RPGR: variants seen among roughly 807,000 people sequenced by gnomAD.
RPGR encodes X-linked retinitis pigmentosa GTPase regulator.
In RPGR, 10 loss-of-function variants were observed where a neutral mutation model predicts 56.3. The ratio of observed to expected loss-of-function variants is 0.18; its 90% CI spans 0.11 to 0.30. The LOEUF is 0.30. Ranked by LOEUF, RPGR falls within the 10% of genes least tolerant of loss-of-function variation. The probability of loss-of-function intolerance (pLI) is 1.00; values close to 1 mark genes in which losing one functional copy is unlikely to be tolerated. For synonymous variants in RPGR, 197 were observed against 212.9 expected (o/e 0.93, Z 0.65); for missense variants, 538 against 590.9 (o/e 0.91, Z 0.93).
At chrX:38,287,755 G>T in intron 14 of RPGR, 106 bp downstream of exon 14, 2 of 745,099 alleles carry the variant, frequency 2.7e-6, no homozygotes, top group Non-Finnish European at 4.2e-6. Flanking sequence ...TATTTCCTTA[G>T]CATCAAGTTG....
chrX:38,316,780 A>T (rs2067835426), intron 6 of RPGR, among the ~76,000 whole-genome samples: 1 of 111,444 alleles, frequency 9.0e-6, no homozygotes, highest in African/African-American at 3.3e-5. Flanking sequence ...CCACTTTCTA[A>T]CCCTGAGCCT....
At chrX:38,281,748 A>G (rs1048647095) in intron 15 of RPGR, among the ~76,000 whole-genome samples, 2 of 111,770 alleles carry the variant, frequency 1.8e-5, no homozygotes, top group Non-Finnish European at 3.8e-5. Flanking sequence ...AAGGTCAAAT[A>G]ACAACCACCA....
chrX:38,286,795 T>A (rs1385459521), intron 15 of RPGR: 1 of 1,158,954 alleles, frequency 8.6e-7, no homozygotes, highest in Non-Finnish European at 1.1e-6. Flanking sequence ...TCCTTCTCCA[T>A]GCTCCTCCTC....
chrX:38,275,124 T>G lies in RPGR; in HGVS notation c.2114A>C (p.Glu705Ala), dbSNP rs747506896. 8.3e-7 allele frequency: 1 copy of G among 1,210,480 alleles called. No individual in the cohort carries two copies. Among genetic ancestry groups the G allele is most frequent in the Non-Finnish European group, 1.1e-6 (1 of 894,363 alleles). ...TTCATTGTACTCACAAATGGCCCGT[T>G]CCTCTAGGTTGGCTTTTTCTTTCTA... Residue 705 changes from glutamate (E) to alanine (A), a missense_variant, in exon 17 of 19, where the codon GAA becomes GCA. Physicochemically the swap from Glu to Ala is moderately radical, Grantham distance 107 (BLOSUM62 -1). Around this residue, in one of 2 missense-constraint regions of RPGR, gnomAD observed 357 missense variants for 325.8 expected, o/e 1.10. Coordinates refer to ENST00000642395, the MANE Select transcript of RPGR (RefSeq NM_000328.3).
intron 11 of RPGR, 88 bp from the exon 12 acceptor site, chrX:38,291,572 A>T: frequency 1.9e-6 from 1 of 537,768 alleles, no homozygotes. Flanking sequence ...ATTCTATAAT[A>T]TAAAGTGTAG....
At chrX:38,288,478 G>A (rs777553591) in intron 13 of RPGR, among the ~76,000 whole-genome samples, 2 of 111,687 alleles carry the variant, frequency 1.8e-5, no homozygotes, top group East Asian at 5.7e-4. Context: ...GCCGAGGCGG[G>A]TGGATTACCT....
At chrX:38,303,445 T>G (rs746840974) in intron 8 of RPGR, among the ~76,000 whole-genome samples, 1 of 112,379 alleles carries the variant, frequency 8.9e-6, no homozygotes, top group South Asian at 3.7e-4. Context: ...CTATGAAAAT[T>G]TAACTAAATA....
At chrX:38,315,414 T>A (rs2067800411) in intron 6 of RPGR, among the ~76,000 whole-genome samples, 1 of 111,879 alleles carries the variant, frequency 8.9e-6, no homozygotes, top group South Asian at 3.7e-4. Context: ...TCATTTGCAA[T>A]AACGTGGATG....
chrX:38,282,440 C>G lies in RPGR; in HGVS notation c.1905+4654G>C, dbSNP rs773219268. On this transcript the variant is annotated intron_variant, in intron 15 of 18. Coordinates refer to ENST00000642395, the MANE Select transcript of RPGR (RefSeq NM_000328.3). ...CCTCCATTCACATTAGGAACACTTC[C>G]TTTCAGTCAAATCCAGTTTTAACTA... Among the ~76,000 whole-genome samples, 3 of 111,815 alleles carry G rather than the reference C, an allele frequency of 2.7e-5. No individual in the cohort carries two copies. In the South Asian group the frequency reaches 1.1e-3, roughly 42 times the overall value.
chrX:38,301,303 T>C lies in RPGR; in HGVS notation c.1003A>G (p.Thr335Ala). 1 of 1,204,922 alleles carries C rather than the reference T, an allele frequency of 8.3e-7. No homozygotes were observed. Among genetic ancestry groups the C allele is most frequent in the South Asian group, 1.8e-5 (1 of 56,781 alleles). ...CACAAAGTAGGAATGAAGTGATTGG[T>C]AAAATTCTCCAGTCCAAGTCCTAAT... The change falls in exon 9 of 19, where the codon ACC becomes GCC. Residue 335 changes from threonine (T) to alanine (A), a missense_variant. Physicochemically the swap from Thr to Ala is moderately conservative, Grantham distance 58. This residue lies in a region of RPGR where 181 missense variants were observed against 265.1 expected (regional missense o/e 0.68). Coordinates refer to ENST00000642395, the MANE Select transcript of RPGR (RefSeq NM_000328.3).
chrX:38,288,692 C>T (rs1232307151), intron 13 of RPGR, among the ~76,000 whole-genome samples: 10 of 111,503 alleles, frequency 9.0e-5, no homozygotes, highest in African/African-American at 2.6e-4. Context: ...GCAACAAGAG[C>T]GAAATTCCAT....
intron 13 of RPGR, 97 bp from the exon 14 acceptor site, chrX:38,288,138 A>G (rs2043312847): frequency 1.2e-6 from 1 of 815,016 alleles, no homozygotes; most frequent in East Asian, 3.2e-5. Flanking sequence ...TTACATTTTT[A>G]TAAGTTTAGG....
chrX:38,311,591 CCT>C (rs2067719671), intron 6 of RPGR, among the ~76,000 whole-genome samples: 1 of 111,786 alleles, frequency 8.9e-6, no homozygotes, highest in Non-Finnish European at 1.9e-5. Flanking sequence ...TTGCCCAACC[CCT>C]GAGAAGGTGG....
At chrX:38,302,107 A>G (rs890292594) in intron 8 of RPGR, among the ~76,000 whole-genome samples, 2 of 111,699 alleles carry the variant, frequency 1.8e-5, no homozygotes, top group Non-Finnish European at 3.8e-5. Flanking sequence ...TGGGCCCACA[A>G]TGATGATGAG....
chrX:38,285,407 T>A (rs1425867834), intron 15 of RPGR: 2 of 1,102,159 alleles, frequency 1.8e-6, no homozygotes, highest in African/African-American at 2.3e-5. Context: ...CACAGCTGCA[T>A]CAGTTGCTTT....
chrX:38,310,936 CTTGA>C lies in RPGR; in HGVS notation c.620-167_620-164del, dbSNP rs1177823612. Among the ~76,000 whole-genome samples the C allele has an allele frequency of 5.3e-5, 6 of 112,358 alleles. No homozygotes were observed. The South Asian group carries it at 1.1e-3, about 21-fold the overall frequency. ...AAATAAAGCTAGATTTTCTTTTCCC[CTTGA>C]TTATTTTAATCCAATCATTTTCATG... On this transcript the variant is annotated intron_variant, in intron 6 of 18. Coordinates refer to ENST00000642395, the MANE Select transcript of RPGR (RefSeq NM_000328.3).
chrX:38,317,445 A>T lies in RPGR; in HGVS notation c.490T>A (p.Trp164Arg). The T allele has an allele frequency of 8.3e-7, 1 of 1,209,810 alleles. No homozygotes were observed. Among genetic ancestry groups the T allele is most frequent in the Non-Finnish European group, 1.1e-6 (1 of 894,012 alleles). ...ATTTGCCCTTCGGAATTGTCACCCC[A>T]CATAAAAAGTCTTCCATCCTCTATA... is the stretch of plus-strand genomic sequence containing the variant. The change falls in exon 6 of 19, where the codon TGG becomes AGG. Residue 164 changes from tryptophan (W) to arginine (R), a missense_variant. By Grantham distance (101) the Trp-to-Arg change is moderately radical (BLOSUM62 -3). Coordinates refer to ENST00000642395, the MANE Select transcript of RPGR (RefSeq NM_000328.3).
intron 12 of RPGR, 108 bp from the exon 13 acceptor site, chrX:38,291,132 TA>T (rs970409153): frequency 2.5e-5 from 4 of 160,618 alleles, no homozygotes; most frequent in Non-Finnish European, 3.5e-5. Context: ...TATTTTTTTA[TA>T]TATATATATA....
intron 1 of RPGR, among the ~76,000 whole-genome samples, chrX:38,324,505 C>T (rs1386443496): frequency 9.1e-6 from 1 of 109,849 alleles, no homozygotes; most frequent in Non-Finnish European, 1.9e-5. Flanking sequence ...CTCTTTCATT[C>T]GAACTAAGGG....
Sources: allele counts gnomAD v4.1 joint callset (sites outside exome capture counted in the v4.1 genomes callset), GRCh38; gene constraint gnomAD v4.1.1; regional missense constraint gnomAD v4.1.1; transcripts MANE v1.5; gene names NCBI Gene and HGNC (gene_info 2026-07-23, HGNC 2026-07-21).